DRICH1: variants seen among roughly 807,000 people sequenced by gnomAD.
DRICH1 encodes aspartate rich 1, also known as aspartate-rich protein 1.
Under a neutral mutation model 39.5 loss-of-function variants are expected in DRICH1, and 38 were observed. The ratio of observed to expected loss-of-function variants is 0.96; its 90% CI spans 0.74 to 1.26. The LOEUF (loss-of-function observed/expected upper bound fraction) is 1.26, where lower values mean the gene tolerates loss of function less well. DRICH1 is among the 50% of genes most tolerant of loss of function. DRICH1 has a pLI of 0.00. For synonymous variants in DRICH1, 84 were observed against 99.5 expected, an observed-to-expected ratio of 0.84 and a Z score of 0.93; for missense variants, 279 against 270.4, an observed-to-expected ratio of 1.03 and a Z score of -0.22.
At chr22:23,617,493 T>A in intron 7 of DRICH1, 82 bp downstream of exon 7, 1 of 1,489,450 alleles carries the variant, frequency 6.7e-7, no homozygotes, top group South Asian at 1.1e-5. Flanking sequence ...CCTGAGTCCA[T>A]TCTTTGGGAT....
At chr22:23,603,296 C>A in the DRICH1 span, among the ~76,000 whole-genome samples, 1 of 151,766 alleles carries the variant, frequency 6.6e-6, no homozygotes, top group African/African-American at 2.4e-5. Context: ...CCCCATCAAC[C>A]TCTGGTGCCC....
downstream of DRICH1, among the ~76,000 whole-genome samples, chr22:23,606,178 G>A (rs568964436): frequency 1.3e-5 from 2 of 152,060 alleles, no homozygotes; most frequent in Non-Finnish European, 2.9e-5. Flanking sequence ...CCCCTCTAGG[G>A]GTTGATGTTC....
At chr22:23,582,573 A>ATTATTATTATTATTATTATTG in the DRICH1 span, among the ~76,000 whole-genome samples, 2 of 143,732 alleles carry the variant, frequency 1.4e-5, no homozygotes, top group South Asian at 4.3e-4. Context: ...TATTATTATT[A>ATTATTATTATTATTATTATTG]TTATTATTTT....
the DRICH1 span, among the ~76,000 whole-genome samples, chr22:23,582,017 T>C: frequency 1.4e-5 from 2 of 142,412 alleles, no homozygotes; most frequent in Non-Finnish European, 3.1e-5. Context: ...TCTTGCTCTG[T>C]TGCCCAGGCT....
chr22:23,632,776 G>A (rs1250612649), upstream of DRICH1: 1 of 152,122 alleles, frequency 6.6e-6, no homozygotes, highest in Admixed American at 6.6e-5. Flanking sequence ...AGCTCGGCCT[G>A]GTGGCGGGCA....
intron 1 of DRICH1, among the ~76,000 whole-genome samples, chr22:23,631,326 G>A (rs1928370211): frequency 6.6e-6 from 1 of 151,928 alleles, no homozygotes; most frequent in Non-Finnish European, 1.5e-5. Context: ...TGATGCTAGA[G>A]AATCGCTTGA....
chr22:23,591,527 C>T, the DRICH1 span, among the ~76,000 whole-genome samples: 1 of 152,146 alleles, frequency 6.6e-6, no homozygotes, highest in African/African-American at 2.4e-5. Flanking sequence ...TTGAACTACT[C>T]CAAGCGCTTC....
the DRICH1 span, among the ~76,000 whole-genome samples, chr22:23,590,278 A>ATTTTTTTTTTTTTTTTTTTTTTTTTT: frequency 7.3e-6 from 1 of 137,528 alleles, no homozygotes; most frequent in African/African-American, 2.7e-5. Flanking sequence ...CAGCCCTTTG[A>ATTTTTTTTTTTTTTTTTTTTTTTTTT]TTTTTTTTTT....
At chr22:23,598,098 A>T in the DRICH1 span, among the ~76,000 whole-genome samples, 1 of 127,812 alleles carries the variant, frequency 7.8e-6, no homozygotes, top group Admixed American at 7.8e-5. Flanking sequence ...CCCCACCCCC[A>T]TCCCTTGGCC....
intron 11 of DRICH1, among the ~76,000 whole-genome samples, chr22:23,611,530 T>C (rs1455540889): frequency 6.6e-6 from 1 of 152,006 alleles, no homozygotes; most frequent in East Asian, 1.9e-4. Context: ...TAGCTGGGAC[T>C]ACAAGCGCCC....
downstream of DRICH1, among the ~76,000 whole-genome samples, chr22:23,603,472 A>G (rs1162534336): frequency 6.6e-6 from 1 of 152,020 alleles, no homozygotes; most frequent in Non-Finnish European, 1.5e-5. Flanking sequence ...TCAGAAGCAC[A>G]CAAATCTGAT....
rs1927671834 is a variant in DRICH1 at position 23,620,694 on chromosome 22, G to A, written c.385-79C>T. On this transcript the variant is annotated intron_variant, in intron 4 of 11. Coordinates refer to ENST00000317749, the MANE Select transcript of DRICH1 (RefSeq NM_016449.4). ...CCTTACACAGATCTGTTATTCTCTT[G>A]ATGACTTCAGAAAACTAGTTGTGAA... The A allele has an allele frequency of 2.0e-6, 3 of 1,517,582 alleles. No individual in the cohort carries two copies. The Admixed American group carries it at 5.1e-5, about 26-fold the overall frequency. The allele number at this position is 1,517,582 out of a possible 1,614,324, so 94.0% of individuals were successfully genotyped here.
intron 1 of DRICH1, among the ~76,000 whole-genome samples, chr22:23,627,364 C>A (rs144684743): frequency 1.3e-5 from 2 of 152,116 alleles, no homozygotes; most frequent in African/African-American, 4.8e-5. Flanking sequence ...TGAGCCACCA[C>A]GCCCGGCCCT....
the DRICH1 span, among the ~76,000 whole-genome samples, chr22:23,592,835 T>TACACAC: frequency 0.019 from 2,546 of 135,154 alleles, 36 homozygotes; most frequent in East Asian, 0.039. Context: ...CTATTAAAAA[T>TACACAC]ACACACACAC....
downstream of DRICH1, among the ~76,000 whole-genome samples, chr22:23,603,620 T>C (rs1926583549): frequency 6.6e-6 from 1 of 151,948 alleles, no homozygotes. Flanking sequence ...TGGTCTCCTC[T>C]CCACTGGCAC....
chr22:23,586,968 G>A, the DRICH1 span, among the ~76,000 whole-genome samples: 1 of 152,188 alleles, frequency 6.6e-6, no homozygotes, highest in Non-Finnish European at 1.5e-5. Context: ...GGAATTTCAC[G>A]GTATCTTTTT....
the DRICH1 span, among the ~76,000 whole-genome samples, chr22:23,595,904 G>A: frequency 1.3e-4 from 20 of 152,310 alleles, no homozygotes; most frequent in African/African-American, 4.8e-4. Flanking sequence ...CTCCATGGGG[G>A]ACGTTCATAA....
Position 23,624,880 on chromosome 22 carries a change from T to C in DRICH1, c.298+3A>G. The C allele has an allele frequency of 1.2e-6, 2 of 1,613,574 alleles. No individual in the cohort carries two copies. Among genetic ancestry groups the C allele is most frequent in the Non-Finnish European group, 8.5e-7 (1 of 1,179,496 alleles). Reference sequence around the variant, plus strand: ...AGAAAGTGAGTTAGTTCAAGGTACGTACCCTGGACAGGTGATGGTAAAATC... The same window carrying C: ...AGAAAGTGAGTTAGTTCAAGGTACGCACCCTGGACAGGTGATGGTAAAATC... On this transcript the variant is annotated splice_donor_region_variant and intron_variant, in intron 3 of 11. Coordinates refer to ENST00000317749, the MANE Select transcript of DRICH1 (RefSeq NM_016449.4).
At position 23,610,774 on chromosome 22, in the gene DRICH1, ATT is replaced by A. The variant is rs567047748; in HGVS notation, c.686-2008_686-2007del. ...CAGTCCCACATAGAACACATCAACT[ATT>A]TTAATTTTTTTCTTCTTTCCTATCA... On this transcript the variant is annotated intron_variant, in intron 11 of 11. Transcript: ENST00000317749. 3.1e-4 allele frequency among the ~76,000 whole-genome samples: 47 copies of A among 151,132 alleles called. No individual in the cohort carries two copies. In the South Asian group the frequency reaches 9.2e-3, roughly 29 times the overall value.
Sources: gnomAD v4.1 joint callset for allele counts (sites outside exome capture counted in the v4.1 genomes callset) on GRCh38, gnomAD v4.1.1 for gene constraint, MANE v1.5 for transcripts, NCBI Gene and HGNC (gene_info 2026-07-23, HGNC 2026-07-21) for gene names.